LPP: variants seen among roughly 807,000 people sequenced by gnomAD.
The protein encoded by LPP is LIM domain containing preferred translocation partner in lipoma, also known as lipoma-preferred partner.
LPP carries 38 observed loss-of-function variants against 60.4 expected under a neutral mutation model. The observed-to-expected ratio is 0.63, with a 90% CI of 0.49 to 0.83. The LOEUF (loss-of-function observed/expected upper bound fraction) is 0.83, where lower values mean the gene tolerates loss of function less well. Among genes scored for constraint, LPP ranks in the 40% least tolerant of loss-of-function variants. The pLI is 0.00. For missense variants in LPP, 902 were observed against 783.6 expected (o/e 1.15, Z -1.80); for synonymous variants, 328 against 290.8 (o/e 1.13, Z -1.30).
intron 2 of LPP, among the ~76,000 whole-genome samples, chr3:188,274,646 G>C (rs1739018702): frequency 6.6e-6 from 1 of 152,138 alleles, no homozygotes; most frequent in Non-Finnish European, 1.5e-5. Context: ...TCAGAATGCT[G>C]AGTAACTAAT....
intron 5 of LPP, among the ~76,000 whole-genome samples, chr3:188,490,755 T>TA: frequency 7.1e-6 from 1 of 141,002 alleles, no homozygotes; most frequent in Admixed American, 7.1e-5. Context: ...ACTGGAATTT[T>TA]TTTTTTTTTT....
intron 1 of LPP, among the ~76,000 whole-genome samples, chr3:188,160,314 C>CCT (rs1225276289): frequency 6.6e-6 from 1 of 152,190 alleles, no homozygotes; most frequent in Admixed American, 6.5e-5. Flanking sequence ...CCTACCTCAG[C>CCT]CTCCCAAGTA....
chr3:188,203,187 T>G (rs1165377392), intron 1 of LPP, among the ~76,000 whole-genome samples: 1 of 118,876 alleles, frequency 8.4e-6, no homozygotes, highest in Non-Finnish European at 1.8e-5. Flanking sequence ...ATTTTATATA[T>G]TATATATTAT....
chr3:188,675,461 A>G (rs1560047632), intron 7 of LPP, among the ~76,000 whole-genome samples: 2 of 152,244 alleles, frequency 1.3e-5, no homozygotes, highest in Non-Finnish European at 2.9e-5. Context: ...AATAGCTCCT[A>G]GCAAATTAGA....
At chr3:188,780,033 G>C (rs1159449297) in intron 9 of LPP, among the ~76,000 whole-genome samples, 1 of 152,094 alleles carries the variant, frequency 6.6e-6, no homozygotes, top group Admixed American at 6.6e-5. Context: ...TTGGATGACT[G>C]GAATGTAAGG....
In LPP at chr3:188,880,529, C is replaced by T. The variant is rs1028508512; in HGVS notation, c.*6050C>T. 2.7e-5 allele frequency: 5 copies of T among 188,546 alleles called. No individual in the cohort carries two copies. Among genetic ancestry groups the T allele is most frequent in the Middle Eastern group, 1.9e-3 (1 of 534 alleles). 11.7% of individuals were successfully genotyped at this position (188,546 alleles called of 1,614,324 possible). A position where few individuals can be genotyped will look rare whatever the true frequency, so the allele number is the denominator to read the frequency against. On this transcript the variant is annotated 3_prime_UTR_variant, in exon 12 of 12. Coordinates refer to ENST00000617246, the MANE Select transcript of LPP (RefSeq NM_001375462.1). ...ACATATACTAGAGAGGGGTGAAACACTGCAGCTAATTCCTTTATAATACTT... is the reference window on the plus strand; with the variant it reads ...ACATATACTAGAGAGGGGTGAAACATTGCAGCTAATTCCTTTATAATACTT...
chr3:188,317,673 G>A (rs1271974164), intron 2 of LPP, among the ~76,000 whole-genome samples: 1 of 152,214 alleles, frequency 6.6e-6, no homozygotes, highest in African/African-American at 2.4e-5. Flanking sequence ...AAGCAGGGTT[G>A]TGAGAGCTGG....
intron 5 of LPP, among the ~76,000 whole-genome samples, chr3:188,519,059 A>G (rs947508964): frequency 1.3e-5 from 2 of 152,218 alleles, no homozygotes; most frequent in Non-Finnish European, 2.9e-5. Flanking sequence ...AAGATCATCT[A>G]TGGACACTAA....
intron 7 of LPP, among the ~76,000 whole-genome samples, chr3:188,685,584 A>G (rs982436861): frequency 2.0e-5 from 3 of 152,206 alleles, no homozygotes; most frequent in Non-Finnish European, 4.4e-5. Context: ...CCGCATGGCA[A>G]GAATGCCTTC....
chr3:188,284,376 G>A (rs773863693), intron 2 of LPP, among the ~76,000 whole-genome samples: 1 of 152,122 alleles, frequency 6.6e-6, no homozygotes, highest in African/African-American at 2.4e-5. Context: ...GTAGGACAAC[G>A]GCAAGTGGGT....
chr3:188,435,470 G>T (rs145159777), intron 4 of LPP, among the ~76,000 whole-genome samples: 201 of 152,214 alleles, frequency 1.3e-3, no homozygotes, highest in Non-Finnish European at 2.4e-3. Flanking sequence ...GGAGACACAC[G>T]TTTATATAAA....
At chr3:188,184,675 C>T (rs13084334) in intron 1 of LPP, among the ~76,000 whole-genome samples, 94,977 of 148,692 alleles carry the variant, frequency 0.64, 32,284 homozygotes, top group East Asian at 0.9. Context: ...GTGAATAGGG[C>T]TCCGGTAAAC....
chr3:188,290,585 C>G lies in LPP; in HGVS notation c.-66-51078C>G, dbSNP rs189176410. ...ACACAGTGAATAGTTTAGGACTGTT[C>G]ATGTTCCCGGCCTCTTCACTCCAAG... On this transcript the variant is annotated intron_variant, in intron 2 of 11. Coordinates refer to ENST00000617246, the MANE Select transcript of LPP (RefSeq NM_001375462.1). 3.9e-3 allele frequency among the ~76,000 whole-genome samples: 590 copies of G among 152,028 alleles called. 2 individuals are homozygous for G. Among genetic ancestry groups the G allele is most frequent in the Non-Finnish European group, 7.0e-3 (478 of 67,980 alleles).
intron 6 of LPP, among the ~76,000 whole-genome samples, chr3:188,537,589 CA>C (rs1286073839): frequency 6.6e-6 from 1 of 152,012 alleles, no homozygotes; most frequent in Non-Finnish European, 1.5e-5. Context: ...TCGATTTGTT[CA>C]AAGATATTAA....
At chr3:188,315,120 A>T (rs1389868452) in intron 2 of LPP, among the ~76,000 whole-genome samples, 1 of 151,994 alleles carries the variant, frequency 6.6e-6, no homozygotes, top group African/African-American at 2.4e-5. Flanking sequence ...TTTTATATCT[A>T]TTCTGTGATT....
intron 7 of LPP, among the ~76,000 whole-genome samples, chr3:188,706,632 G>A (rs1865528377): frequency 6.6e-6 from 1 of 152,220 alleles, no homozygotes; most frequent in South Asian, 2.1e-4. Flanking sequence ...TGGAGTTGTA[G>A]TAAATGTTGG....
At chr3:188,865,135 C>T (rs1008590828) in intron 9 of LPP, among the ~76,000 whole-genome samples, 1 of 152,104 alleles carries the variant, frequency 6.6e-6, no homozygotes, top group African/African-American at 2.4e-5. Flanking sequence ...AATCCAGATA[C>T]CTCAGTTGTA....
chr3:188,606,294 AGTTGGTGT>A (rs1842361580), intron 6 of LPP, among the ~76,000 whole-genome samples: 1 of 152,144 alleles, frequency 6.6e-6, no homozygotes, highest in South Asian at 2.1e-4. Flanking sequence ...GAGAAGACCT[AGTTGGTGT>A]GTGCTGTCAT....
In LPP at chr3:188,889,926, G is replaced by A. The variant is rs140463279; in HGVS notation, c.*15447G>A. 65 of 210,770 alleles carry A rather than the reference G, an allele frequency of 3.1e-4. No individual in the cohort carries two copies. The East Asian group carries it at 4.3e-3, about 14-fold the overall frequency. The allele number at this position is 210,770 out of a possible 1,614,324, so 13.1% of individuals were successfully genotyped here. A position where few individuals can be genotyped will look rare whatever the true frequency, so the allele number is the denominator to read the frequency against. ...ATTTTTTAGAGGATCAGATTTTAGC[G>A]CTGGAAAATGAGTTCAAAAATTTCA... On this transcript the variant is annotated 3_prime_UTR_variant, in exon 12 of 12. Coordinates refer to ENST00000617246, the MANE Select transcript of LPP (RefSeq NM_001375462.1).
Sources: allele counts gnomAD v4.1 joint callset (sites outside exome capture counted in the v4.1 genomes callset), GRCh38; gene constraint gnomAD v4.1.1; transcripts MANE v1.5; gene names NCBI Gene and HGNC (gene_info 2026-07-23, HGNC 2026-07-21).